GRID2: variants seen among roughly 807,000 people sequenced by gnomAD.
GRID2 encodes glutamate ionotropic receptor delta type subunit 2.
Under a neutral mutation model 114.8 loss-of-function variants are expected in GRID2, and 33 were observed. That is an observed-to-expected ratio of 0.29 (90% CI 0.22 to 0.38). GRID2 has a LOEUF of 0.38. Among genes scored for constraint, GRID2 ranks in the 10% least tolerant of loss-of-function variants. The pLI is 1.00. For missense variants in GRID2, 1,184 were observed against 1,257.7 expected, an observed-to-expected ratio of 0.94 and a Z score of 0.89; for synonymous variants, 505 against 449.9, an observed-to-expected ratio of 1.12 and a Z score of -1.55.
intron 1 of GRID2, among the ~76,000 whole-genome samples, chr4:92,519,632 C>T (rs112443210): frequency 0.01 from 1,523 of 150,034 alleles, 24 homozygotes; most frequent in African/African-American, 0.036. Flanking sequence ...TATATAAGAG[C>T]GAGAGAGAGA....
chr4:93,719,264 A>C (rs904409534), intron 14 of GRID2, among the ~76,000 whole-genome samples: 1 of 152,122 alleles, frequency 6.6e-6, no homozygotes, highest in Non-Finnish European at 1.5e-5. Context: ...CAATTTTACA[A>C]GTTTGACAAG....
At chr4:92,585,471 G>A (rs1169953094) in intron 1 of GRID2, among the ~76,000 whole-genome samples, 1 of 151,890 alleles carries the variant, frequency 6.6e-6, no homozygotes, top group Non-Finnish European at 1.5e-5. Context: ...AAATATTTAT[G>A]CACAAATGTT....
chr4:93,558,771 AAACAC>A (rs552508697), intron 13 of GRID2, among the ~76,000 whole-genome samples: 22 of 152,316 alleles, frequency 1.4e-4, no homozygotes, highest in African/African-American at 5.3e-4. Flanking sequence ...AACCTGGCAG[AAACAC>A]AACAAAAAAA....
At chr4:93,659,443 A>G (rs1723297147) in intron 14 of GRID2, among the ~76,000 whole-genome samples, 1 of 152,196 alleles carries the variant, frequency 6.6e-6, no homozygotes, top group East Asian at 1.9e-4. Context: ...TCTTTTGGTT[A>G]TGTTCATCAT....
intron 2 of GRID2, among the ~76,000 whole-genome samples, chr4:92,907,653 G>T (rs529272732): frequency 6.6e-6 from 1 of 151,946 alleles, no homozygotes; most frequent in Non-Finnish European, 1.5e-5. Context: ...CAGTTGATCC[G>T]CCTGCTTCAG....
chr4:92,821,168 A>C (rs988349311), intron 2 of GRID2, among the ~76,000 whole-genome samples: 4 of 152,162 alleles, frequency 2.6e-5, no homozygotes, highest in East Asian at 1.9e-4. Context: ...AACATAATTT[A>C]GGCCAGATAT....
chr4:92,966,083 G>GT (rs1753137137), intron 2 of GRID2, among the ~76,000 whole-genome samples: 1 of 151,924 alleles, frequency 6.6e-6, no homozygotes, highest in South Asian at 2.1e-4. Flanking sequence ...ATATGAATCT[G>GT]TATCTGAAGA....
intron 1 of GRID2, among the ~76,000 whole-genome samples, chr4:92,544,696 C>T (rs2149166215): frequency 6.6e-6 from 1 of 152,226 alleles, no homozygotes. Flanking sequence ...TCACATAACT[C>T]ACTGACATTT....
chr4:93,061,379 A>G lies in GRID2; in HGVS notation c.245-23616A>G, dbSNP rs113790852. Among the ~76,000 whole-genome samples the G allele has an allele frequency of 8.4e-3, 1,284 of 151,972 alleles. 27 individuals are homozygous for G. Among genetic ancestry groups the G allele is most frequent in the African/African-American group, 0.029 (1,216 of 41,482 alleles). On this transcript the variant is annotated intron_variant, in intron 2 of 15. Transcript: ENST00000282020. ...CGGCTAGATAGAACATGCTTTTCTG[A>G]TAGATAGTAGACGTACCAGAGACAA...
At chr4:93,349,827 T>C (rs2149259027) in intron 8 of GRID2, among the ~76,000 whole-genome samples, 1 of 152,178 alleles carries the variant, frequency 6.6e-6, no homozygotes, top group Non-Finnish European at 1.5e-5. Context: ...TAAAAATGCC[T>C]TCTCTATGCC....
intron 13 of GRID2, among the ~76,000 whole-genome samples, chr4:93,517,995 ACATG>A (rs1482602483): frequency 1.8e-4 from 3 of 16,378 alleles, no homozygotes; most frequent in Admixed American, 4.6e-4. Flanking sequence ...GTATATACAT[ACATG>A]TATATGTATG....
chr4:92,581,479 G>A (rs1728183417), intron 1 of GRID2, among the ~76,000 whole-genome samples: 1 of 151,958 alleles, frequency 6.6e-6, no homozygotes, highest in South Asian at 2.1e-4. Flanking sequence ...GACTTTTCCA[G>A]TGATAGTATT....
intron 13 of GRID2, among the ~76,000 whole-genome samples, chr4:93,549,405 AC>A (rs542087837): frequency 1.6e-4 from 24 of 152,270 alleles, no homozygotes; most frequent in Admixed American, 1.2e-3. Context: ...AAACAGAATC[AC>A]CTATTGTCAG....
At chr4:93,107,180 T>G (rs1336469351) in intron 3 of GRID2, among the ~76,000 whole-genome samples, 1 of 152,080 alleles carries the variant, frequency 6.6e-6, no homozygotes. Flanking sequence ...GCACCTGCAG[T>G]CTCAGCTGCT....
At chr4:92,897,223 AG>A (rs1747235002) in intron 2 of GRID2, among the ~76,000 whole-genome samples, 1 of 119,480 alleles carries the variant, frequency 8.4e-6, no homozygotes, top group South Asian at 2.7e-4. Context: ...CTGAATCAAC[AG>A]TAGCTGCCTT....
intron 2 of GRID2, among the ~76,000 whole-genome samples, chr4:92,999,466 A>T (rs1172878303): frequency 6.6e-6 from 1 of 151,806 alleles, no homozygotes; most frequent in Non-Finnish European, 1.5e-5. Context: ...AAAGATGAAT[A>T]AAAACAGACT....
At chr4:93,059,039 C>CA (rs34026432) in intron 2 of GRID2, among the ~76,000 whole-genome samples, 1 of 151,880 alleles carries the variant, frequency 6.6e-6, no homozygotes, top group East Asian at 1.9e-4. Context: ...AAAATTTCAC[C>CA]AAAAAGTAAA....
intron 8 of GRID2, among the ~76,000 whole-genome samples, chr4:93,331,985 C>T (rs368724239): frequency 5.3e-5 from 8 of 151,898 alleles, no homozygotes; most frequent in South Asian, 4.1e-4. Context: ...AGTCAGAGCT[C>T]GATACTTACA....
chr4:92,499,053 T>C (rs1723541871), intron 1 of GRID2, among the ~76,000 whole-genome samples: 1 of 151,914 alleles, frequency 6.6e-6, no homozygotes, highest in Non-Finnish European at 1.5e-5. Flanking sequence ...TATAAGTATT[T>C]AATAGTTGTC....
Sources: gnomAD v4.1 joint callset for allele counts (sites outside exome capture counted in the v4.1 genomes callset) on GRCh38, gnomAD v4.1.1 for gene constraint, MANE v1.5 for transcripts, NCBI Gene and HGNC (gene_info 2026-07-23, HGNC 2026-07-21) for gene names.